Variants in SETBP1 observed in about 807,000 individuals in gnomAD.
The protein encoded by SETBP1 is SET-binding protein.
SETBP1 carries 9 observed loss-of-function variants against 101.0 expected under a neutral mutation model. The ratio of observed to expected loss-of-function variants is 0.09; its 90% CI spans 0.05 to 0.16. The LOEUF is 0.16. SETBP1 is among the 10% of genes least tolerant of loss of function. The pLI is 1.00. For missense variants in SETBP1, 1,858 were observed against 2,033.8 expected, an observed-to-expected ratio of 0.91 and a Z score of 1.66; for synonymous variants, 818 against 788.5, an observed-to-expected ratio of 1.04 and a Z score of -0.63.
chr18:44,858,816 T>C (rs2073024351), intron 2 of SETBP1, among the ~76,000 whole-genome samples: 1 of 152,198 alleles, frequency 6.6e-6, no homozygotes, highest in East Asian at 1.9e-4. Flanking sequence ...AGAGATGGCT[T>C]ACTTGGGATT....
At chr18:44,803,007 AAAAGTATTCTTCC>A (rs2071640364) in intron 2 of SETBP1, among the ~76,000 whole-genome samples, 1 of 152,100 alleles carries the variant, frequency 6.6e-6, no homozygotes, top group Non-Finnish European at 1.5e-5. Flanking sequence ...GTAGACGTTG[AAAAGTATTCTTCC>A]AAAGCACAGA....
chr18:44,803,896 G>T (rs61247293), intron 2 of SETBP1, among the ~76,000 whole-genome samples: 4,516 of 152,196 alleles, frequency 0.03, 215 homozygotes, highest in African/African-American at 0.1. Context: ...TCATTAAGTA[G>T]TGATGTCTTC....
chr18:44,875,042 A>C (rs1365957201), intron 3 of SETBP1, among the ~76,000 whole-genome samples: 1 of 152,190 alleles, frequency 6.6e-6, no homozygotes, highest in Non-Finnish European at 1.5e-5. Context: ...ACACTGGGAA[A>C]TGGAAGGCAA....
At position 44,950,841 on chromosome 18, in the gene SETBP1, C is replaced by A; in HGVS notation, c.1501C>A (p.Pro501Thr). The A allele has an allele frequency of 6.2e-7, 1 of 1,614,142 alleles. No homozygotes were observed. Among genetic ancestry groups the A allele is most frequent in the South Asian group, 1.1e-5 (1 of 91,076 alleles). Reference protein sequence around the residue: ...PGGVSKPRKPPMVMTPPTCTD... With the variant: ...PGGVSKPRKPTMVMTPPTCTD... Reference sequence around the variant, plus strand: ...AGGTGTGTCTAAGCCGCGGAAGCCACCCATGGTCATGACACCTCCAACGTG... The same window carrying A: ...AGGTGTGTCTAAGCCGCGGAAGCCAACCATGGTCATGACACCTCCAACGTG... The change falls in exon 4 of 6, where the codon CCC becomes ACC. Residue 501 changes from proline to threonine, a missense_variant. Coordinates refer to ENST00000649279, the MANE Select transcript of SETBP1 (RefSeq NM_015559.3).
chr18:44,762,126 A>G (rs973366997), intron 2 of SETBP1, among the ~76,000 whole-genome samples: 1 of 141,220 alleles, frequency 7.1e-6, no homozygotes, highest in Non-Finnish European at 1.5e-5. Context: ...AGTTCTACCA[A>G]GCTTCTAAAC....
chr18:44,875,478 G>A (rs113800597), intron 3 of SETBP1, among the ~76,000 whole-genome samples: 3 of 133,878 alleles, frequency 2.2e-5, no homozygotes, highest in Admixed American at 8.7e-5. Context: ...GGAGTGAGCC[G>A]AGATCGCGCC....
chr18:44,933,073 T>A (rs1459500654), intron 3 of SETBP1, among the ~76,000 whole-genome samples: 1 of 152,218 alleles, frequency 6.6e-6, no homozygotes, highest in African/African-American at 2.4e-5. Flanking sequence ...TTTCTCCCCA[T>A]CTTTGTGGTT....
intron 2 of SETBP1, among the ~76,000 whole-genome samples, chr18:44,754,222 C>G (rs2070446000): frequency 6.6e-6 from 1 of 152,156 alleles, no homozygotes; most frequent in South Asian, 2.1e-4. Flanking sequence ...GAGAGCTACT[C>G]TCTTTATGCA....
intron 3 of SETBP1, among the ~76,000 whole-genome samples, chr18:44,920,569 G>A (rs1426480158): frequency 6.6e-6 from 1 of 152,182 alleles, no homozygotes; most frequent in Non-Finnish European, 1.5e-5. Flanking sequence ...AAGATCAGAC[G>A]AGTTAGTAAA....
intron 4 of SETBP1, among the ~76,000 whole-genome samples, chr18:44,995,362 T>C (rs140860318): frequency 0.016 from 2,370 of 152,088 alleles, 52 homozygotes; most frequent in African/African-American, 0.053. Flanking sequence ...AGGACGGTCT[T>C]GATCTCCTGA....
chr18:44,999,616 G>C (rs1599430414), intron 4 of SETBP1, among the ~76,000 whole-genome samples: 1 of 152,310 alleles, frequency 6.6e-6, no homozygotes, highest in South Asian at 2.1e-4. Context: ...CCACCTCAGA[G>C]ATAACTCGCA....
chr18:44,759,911 C>T (rs1291762978), intron 2 of SETBP1, among the ~76,000 whole-genome samples: 1 of 152,208 alleles, frequency 6.6e-6, no homozygotes, highest in Non-Finnish European at 1.5e-5. Context: ...CCAATTAAAC[C>T]AGAAAATCAA....
chr18:45,065,965 G>C lies in SETBP1; in HGVS notation c.*2267G>C, dbSNP rs1024549060. 6.6e-6 allele frequency: 1 copy of C among 152,172 alleles called. No individual in the cohort carries two copies. Among genetic ancestry groups the C allele is most frequent in the Admixed American group, 6.5e-5 (1 of 15,284 alleles). 9.4% of individuals were successfully genotyped at this position (152,172 alleles called of 1,614,324 possible). ...TTCATTCCAATTCAGCCATAAAGAGGTTTCTCTTCTTACTGGGTTTTGAAA... is the reference window on the plus strand; with the variant it reads ...TTCATTCCAATTCAGCCATAAAGAGCTTTCTCTTCTTACTGGGTTTTGAAA... On this transcript the variant is annotated 3_prime_UTR_variant, in exon 6 of 6. Coordinates refer to ENST00000649279, the MANE Select transcript of SETBP1 (RefSeq NM_015559.3).
intron 3 of SETBP1, among the ~76,000 whole-genome samples, chr18:44,913,419 ACT>A (rs1319188532): frequency 1.3e-5 from 2 of 151,904 alleles, no homozygotes; most frequent in Non-Finnish European, 2.9e-5. Flanking sequence ...TCAAGTGTAA[ACT>A]CTCTGGTTCA....
chr18:44,936,220 AG>A (rs1340369346), intron 3 of SETBP1, among the ~76,000 whole-genome samples: 2 of 152,172 alleles, frequency 1.3e-5, no homozygotes, highest in Non-Finnish European at 2.9e-5. Context: ...ATGCCTGAGC[AG>A]GGAGGGCAGA....
At chr18:44,905,008 A>G (rs950053641) in intron 3 of SETBP1, among the ~76,000 whole-genome samples, 16 of 152,180 alleles carry the variant, frequency 1.1e-4, no homozygotes, top group African/African-American at 3.6e-4. Context: ...ATGAAGGGCT[A>G]GCAACCTCCG....
Position 44,889,389 on chromosome 18 carries a change from A to G in SETBP1, c.540+20106A>G, listed in dbSNP as rs559514861. 7.2e-5 allele frequency among the ~76,000 whole-genome samples: 11 copies of G among 152,296 alleles called. No individual in the cohort carries two copies. In the East Asian group the frequency reaches 2.1e-3, roughly 29 times the overall value. On this transcript the variant is annotated intron_variant, in intron 3 of 5. Transcript: ENST00000649279. ...TACTAAATCCTGTTCTTTGAACCAA[A>G]AACAACTAAAAGACTTGGATCAGTT...
intron 2 of SETBP1, among the ~76,000 whole-genome samples, chr18:44,773,547 A>G (rs2070921364): frequency 6.6e-6 from 1 of 152,214 alleles, no homozygotes; most frequent in Admixed American, 6.5e-5. Context: ...CATTTTTGCA[A>G]CGTCAATAGA....
intron 2 of SETBP1, among the ~76,000 whole-genome samples, chr18:44,863,840 A>G (rs1457903671): frequency 6.6e-6 from 1 of 152,144 alleles, no homozygotes; most frequent in African/African-American, 2.4e-5. Flanking sequence ...AAGAAAGGAG[A>G]TAATCTGGGA....
Sources: gnomAD v4.1 joint callset for allele counts (sites outside exome capture counted in the v4.1 genomes callset) on GRCh38, gnomAD v4.1.1 for gene constraint, MANE v1.5 for transcripts, NCBI Gene and HGNC (gene_info 2026-07-23, HGNC 2026-07-21) for gene names.